SYNE2: variants seen among roughly 807,000 people sequenced by gnomAD.
The protein encoded by SYNE2 is spectrin repeat containing nuclear envelope protein 2, also known as nesprin-2.
Under a neutral mutation model 856.3 loss-of-function variants are expected in SYNE2, and 431 were observed. The ratio of observed to expected loss-of-function variants is 0.50; its 90% CI spans 0.47 to 0.55. The LOEUF is 0.55. Among genes scored for constraint, SYNE2 ranks in the 20% least tolerant of loss-of-function variants. The pLI is 0.00. For synonymous variants in SYNE2, 2,923 were observed against 2,872.3 expected (o/e 1.02, Z -0.56); for missense variants, 8,129 against 8,023.2 (o/e 1.01, Z -0.50).
rs183148244 is a variant in SYNE2, at chr14:64,100,555, T to A, written c.12382-1377T>A. The stretch of plus-strand genomic sequence containing the variant: ...AAATATATATATATATATATATATA[T>A]ATATATATATATATATTTATGACAT... On this transcript the variant is annotated intron_variant, in intron 63 of 115. Coordinates refer to ENST00000555002, the MANE Select transcript of SYNE2 (RefSeq NM_182914.3). 2.9e-3 allele frequency among the ~76,000 whole-genome samples: 358 copies of A among 121,904 alleles called. 11 individuals carry two copies. Among genetic ancestry groups the A allele is most frequent in the African/African-American group, 7.8e-3 (260 of 33,470 alleles). 80.0% of individuals were successfully genotyped at this position (121,904 alleles called of 152,430 possible). A position where few individuals can be genotyped will look rare whatever the true frequency, so the allele number is the denominator to read the frequency against.
intron 1 of SYNE2, among the ~76,000 whole-genome samples, chr14:63,816,909 G>A (rs1396195316): frequency 6.6e-6 from 1 of 151,938 alleles, no homozygotes; most frequent in Non-Finnish European, 1.5e-5. Flanking sequence ...TTAAGAAACA[G>A]GGTCTTGCTA....
At chr14:64,100,551 T>A (rs866299761) in intron 63 of SYNE2, among the ~76,000 whole-genome samples, 2,342 of 115,334 alleles carry the variant, frequency 0.02, 155 homozygotes, top group South Asian at 0.033. Flanking sequence ...TATATATATA[T>A]ATATATATAT....
intron 11 of SYNE2, among the ~76,000 whole-genome samples, chr14:63,974,381 G>A (rs1415306667): frequency 1.3e-5 from 2 of 152,082 alleles, no homozygotes; most frequent in African/African-American, 2.4e-5. Flanking sequence ...CATGGCAAGA[G>A]AGGAAGCGAG....
intron 1 of SYNE2, chr14:63,873,514 G>C (rs2094638596): frequency 6.6e-6 from 1 of 152,156 alleles, no homozygotes; most frequent in Non-Finnish European, 1.5e-5. Context: ...TTTTGCCTCA[G>C]CCTCCCAAGT....
intron 38 of SYNE2, chr14:64,023,958 A>G: frequency 2.8e-6 from 1 of 361,348 alleles, no homozygotes; most frequent in South Asian, 2.5e-5. Flanking sequence ...CGTTAAATAG[A>G]GAATAGTCTG....
In SYNE2 at chr14:64,083,323, A is replaced by T. The variant is rs560155368; in HGVS notation, c.11484+1743A>T. Reference sequence around the variant, plus strand: ...TTTTAAACTCTTTATCACCTCCCTGATTCACTATTTTTGAGGACTTTACCA... The same window carrying T: ...TTTTAAACTCTTTATCACCTCCCTGTTTCACTATTTTTGAGGACTTTACCA... On this transcript the variant is annotated intron_variant, in intron 57 of 115. Transcript: ENST00000555002. Among the ~76,000 whole-genome samples the T allele has an allele frequency of 8.7e-4, 130 of 149,190 alleles. 2 individuals are homozygous for T. In the South Asian group the frequency reaches 0.024, roughly 27 times the overall value.
chr14:63,953,918 T>G (rs1478611190), intron 7 of SYNE2, among the ~76,000 whole-genome samples: 1 of 152,150 alleles, frequency 6.6e-6, no homozygotes, highest in African/African-American at 2.4e-5. Context: ...TGTCAGAATT[T>G]CCCTCCTTTT....
At chr14:63,835,998 A>AAAAAT (rs201325032) in intron 1 of SYNE2, among the ~76,000 whole-genome samples, 1 of 149,732 alleles carries the variant, frequency 6.7e-6, no homozygotes. Context: ...AAAAAAAAAA[A>AAAAAT]GGTGAAAATA....
chr14:63,787,293 C>T (rs75222587), intron 1 of SYNE2, among the ~76,000 whole-genome samples: 2,075 of 152,194 alleles, frequency 0.014, 39 homozygotes, highest in African/African-American at 0.047. Context: ...ATTCCTTCTA[C>T]GCAACAAAAT....
chr14:63,920,094 A>T (rs577388640), intron 2 of SYNE2, among the ~76,000 whole-genome samples: 81 of 151,448 alleles, frequency 5.3e-4, no homozygotes, highest in Middle Eastern at 6.8e-3. Context: ...TTATTCAACA[A>T]ATATTTTTGA....
chr14:64,081,617 T>G (rs376977043), intron 57 of SYNE2, 37 bp downstream of exon 57: 14 of 1,611,528 alleles, frequency 8.7e-6, no homozygotes, highest in Admixed American at 3.3e-5. Flanking sequence ...ACTCATAGCA[T>G]CTACATAAAG....
intron 7 of SYNE2, among the ~76,000 whole-genome samples, chr14:63,954,419 A>C (rs1291457121): frequency 6.6e-6 from 1 of 152,146 alleles, no homozygotes; most frequent in African/African-American, 2.4e-5. Flanking sequence ...CCACCTCCAG[A>C]GTTTGATTCA....
At chr14:64,121,775 GT>G (rs1185214658) in intron 68 of SYNE2, among the ~76,000 whole-genome samples, 1 of 152,172 alleles carries the variant, frequency 6.6e-6, no homozygotes, top group Non-Finnish European at 1.5e-5. Context: ...TTCAAAATGT[GT>G]TTGTATGTCT....
chr14:64,113,672 C>A, intron 66 of SYNE2, 101 bp downstream of exon 66: 4 of 1,253,724 alleles, frequency 3.2e-6, no homozygotes, highest in Non-Finnish European at 4.5e-6. Flanking sequence ...CTTTCTGTTA[C>A]TCTGACCCTT....
chr14:64,031,381 C>T lies in SYNE2; in HGVS notation c.7221+24C>T, dbSNP rs1594985913. The T allele has an allele frequency of 4.4e-6, 7 of 1,598,856 alleles. No individual in the cohort carries two copies. In the East Asian group the frequency reaches 1.3e-4, roughly 31 times the overall value. ...AGGTAAGTGCTTGTGATTGCACTTT[C>T]AAGACAGTGAGTCTGAGAATGAAGA... On this transcript the variant is annotated intron_variant, in intron 45 of 115. Coordinates refer to ENST00000555002, the MANE Select transcript of SYNE2 (RefSeq NM_182914.3).
At chr14:64,055,856 A>T in intron 48 of SYNE2, 88 bp from the exon 49 acceptor site, 1 of 907,196 alleles carries the variant, frequency 1.1e-6, no homozygotes, top group Admixed American at 2.3e-5. Flanking sequence ...TCAGAGACAT[A>T]TTATCTATGT....
At chr14:63,906,896 A>G (rs1362571250) in intron 1 of SYNE2, among the ~76,000 whole-genome samples, 2 of 152,204 alleles carry the variant, frequency 1.3e-5, no homozygotes, top group African/African-American at 4.8e-5. Context: ...CTGTTTCCTC[A>G]TAGATGGCCA....
chr14:64,159,482 T>C, intron 87 of SYNE2, 40 bp downstream of exon 87: 1 of 1,606,698 alleles, frequency 6.2e-7, no homozygotes, highest in East Asian at 2.2e-5. Context: ...GATATCTTTA[T>C]CTTAATGACT....
intron 1 of SYNE2, among the ~76,000 whole-genome samples, chr14:63,870,856 A>G (rs1272840410): frequency 5.9e-5 from 9 of 152,158 alleles, no homozygotes; most frequent in African/African-American, 2.2e-4. Flanking sequence ...AGGAAATCAT[A>G]TTTAACCCTA....
Sources: gnomAD v4.1 joint callset for allele counts (sites outside exome capture counted in the v4.1 genomes callset) on GRCh38, gnomAD v4.1.1 for gene constraint, MANE v1.5 for transcripts, NCBI Gene and HGNC (gene_info 2026-07-23, HGNC 2026-07-21) for gene names.